Variants in CHD9 observed in about 807,000 individuals in gnomAD.
CHD9 encodes chromodomain helicase DNA binding protein 9, also known as ATP-dependent chromatin remodeler CHD9.
A neutral mutation model predicts 316.1 loss-of-function variants in CHD9; 77 were observed. The ratio of observed to expected loss-of-function variants is 0.24; its 90% CI spans 0.20 to 0.29. The LOEUF is 0.29. Ranked by LOEUF, CHD9 falls within the 10% of genes least tolerant of loss-of-function variation. CHD9 has a pLI of 1.00. For missense variants in CHD9, 2,763 were observed against 3,438.1 expected (o/e 0.80, Z 4.91); for synonymous variants, 1,129 against 1,158.3 (o/e 0.97, Z 0.51).
At chr16:53,169,640 T>C (rs2042535125) in intron 2 of CHD9, among the ~76,000 whole-genome samples, 1 of 152,204 alleles carries the variant, frequency 6.6e-6, no homozygotes, top group Non-Finnish European at 1.5e-5. Context: ...TTTCTTTGGC[T>C]GAACCATTTG....
chr16:53,271,335 G>A (rs913463863), intron 22 of CHD9, among the ~76,000 whole-genome samples: 1 of 152,132 alleles, frequency 6.6e-6, no homozygotes, highest in South Asian at 2.1e-4. Context: ...TTGGGAAGCT[G>A]AGGTGGCCAG....
intron 12 of CHD9, among the ~76,000 whole-genome samples, chr16:53,240,147 T>A (rs1597590792): frequency 6.6e-6 from 1 of 152,134 alleles, no homozygotes; most frequent in Admixed American, 6.6e-5. Flanking sequence ...ACTCATGTAA[T>A]CCTCCCACCT....
intron 3 of CHD9, among the ~76,000 whole-genome samples, chr16:53,213,957 AC>A (rs1460421493): frequency 6.6e-6 from 1 of 152,188 alleles, no homozygotes. Flanking sequence ...GTTATCAGGT[AC>A]TACAAATAAC....
intron 3 of CHD9, among the ~76,000 whole-genome samples, chr16:53,212,542 A>G (rs2046416307): frequency 6.6e-6 from 1 of 152,234 alleles, no homozygotes; most frequent in African/African-American, 2.4e-5. Flanking sequence ...GAAGAAAAGC[A>G]ATACTGCCCC....
At chr16:53,231,863 A>C in intron 10 of CHD9, 79 bp downstream of exon 10, 1 of 1,283,434 alleles carries the variant, frequency 7.8e-7, no homozygotes, top group Admixed American at 2.3e-5. Context: ...TAATTATATA[A>C]TGTTTTACTT....
At chr16:53,250,603 T>G (rs2050046473) in intron 17 of CHD9, 1 of 152,358 alleles carries the variant, frequency 6.6e-6, no homozygotes, top group Non-Finnish European at 1.5e-5. Flanking sequence ...GATTTTATCT[T>G]GTAATCATAA....
intron 3 of CHD9, among the ~76,000 whole-genome samples, chr16:53,211,881 T>C (rs1260359459): frequency 2.0e-5 from 3 of 152,212 alleles, no homozygotes; most frequent in Non-Finnish European, 2.9e-5. Flanking sequence ...CACTATACTT[T>C]GTAATTTTGA....
At position 53,322,178 on chromosome 16, in the gene CHD9, G is replaced by A. The variant is rs2057321433; in HGVS notation, c.7818+548G>A. Among the ~76,000 whole-genome samples, 3 of 151,410 alleles carry A rather than the reference G, an allele frequency of 2.0e-5. No homozygotes were observed. The South Asian group carries it at 6.3e-4, about 32-fold the overall frequency. ...CACCCTGCTAATTTTTGTATTTTTA[G>A]TAGAGACGATATTTCGCCATATTGG... On this transcript the variant is annotated intron_variant, in intron 38 of 38. Coordinates refer to ENST00000447540, the MANE Select transcript of CHD9 (RefSeq NM_001308319.2).
At chr16:53,208,271 C>T (rs1254054521) in intron 2 of CHD9, 1 of 1,267,016 alleles carries the variant, frequency 7.9e-7, no homozygotes. Flanking sequence ...TGAGCACTGC[C>T]TGGGGTGGTG....
chr16:53,303,587 A>C lies in CHD9; in HGVS notation c.5714-133A>C, dbSNP rs983667322. On this transcript the variant is annotated intron_variant, in intron 30 of 38. Transcript: ENST00000447540. ...TCACTGAAAAGAAATTCTGGAAACT[A>C]TACAGTGATATTGCATGGAGGCACA... The C allele has an allele frequency of 5.1e-6, 3 of 589,146 alleles. No homozygotes were observed. In the African/African-American group the frequency reaches 5.8e-5, roughly 11 times the overall value. 36.5% of individuals were successfully genotyped at this position (589,146 alleles called of 1,614,324 possible).
intron 3 of CHD9, among the ~76,000 whole-genome samples, chr16:53,218,901 T>C (rs2046994829): frequency 6.6e-6 from 1 of 152,178 alleles, no homozygotes; most frequent in South Asian, 2.1e-4. Flanking sequence ...GTATCAAATA[T>C]GTATTTTTAC....
intron 1 of CHD9, among the ~76,000 whole-genome samples, chr16:53,056,743 G>A (rs748562094): frequency 2.2e-4 from 33 of 152,286 alleles, no homozygotes; most frequent in Admixed American, 8.5e-4. Flanking sequence ...TTATTATTGA[G>A]AGCCTACTGT....
chr16:53,211,375 G>A (rs902537080), intron 3 of CHD9, among the ~76,000 whole-genome samples: 6 of 152,056 alleles, frequency 3.9e-5, no homozygotes, highest in African/African-American at 1.2e-4. Flanking sequence ...ACACTGAAGC[G>A]GAGTACTGAC....
chr16:53,220,349 C>G (rs534939029), intron 3 of CHD9, among the ~76,000 whole-genome samples: 1 of 152,244 alleles, frequency 6.6e-6, no homozygotes, highest in African/African-American at 2.4e-5. Flanking sequence ...AAAAAGCATT[C>G]TATAACTTTT....
chr16:53,102,584 T>C (rs1274492333), intron 1 of CHD9, among the ~76,000 whole-genome samples: 2 of 152,108 alleles, frequency 1.3e-5, no homozygotes, highest in Non-Finnish European at 2.9e-5. Context: ...GCATGGTGGC[T>C]CACACCTGTA....
At chr16:53,184,105 C>A (rs189814466) in intron 2 of CHD9, among the ~76,000 whole-genome samples, 37 of 152,062 alleles carry the variant, frequency 2.4e-4, no homozygotes, top group African/African-American at 8.4e-4. Flanking sequence ...GCACCACGCC[C>A]GGCTAATTTT....
chr16:53,127,059 A>G (rs897947916), intron 1 of CHD9, among the ~76,000 whole-genome samples: 3 of 152,072 alleles, frequency 2.0e-5, no homozygotes, highest in Non-Finnish European at 4.4e-5. Context: ...GGCTCAAGTG[A>G]TCCTCCCAAC....
At chr16:53,110,135 C>G (rs2037746059) in intron 1 of CHD9, among the ~76,000 whole-genome samples, 2 of 152,134 alleles carry the variant, frequency 1.3e-5, no homozygotes, top group South Asian at 4.1e-4. Flanking sequence ...TAGCTTGTGC[C>G]CATTACTGTC....
At chr16:53,214,602 C>T (rs62048059) in intron 3 of CHD9, among the ~76,000 whole-genome samples, 42,306 of 151,850 alleles carry the variant, frequency 0.28, 5,978 homozygotes, top group Middle Eastern at 0.32. Flanking sequence ...AATTACAAAA[C>T]TTAGTAAAAA....
Sources: gnomAD v4.1 joint callset for allele counts (sites outside exome capture counted in the v4.1 genomes callset) on GRCh38, gnomAD v4.1.1 for gene constraint, MANE v1.5 for transcripts, NCBI Gene and HGNC (gene_info 2026-07-23, HGNC 2026-07-21) for gene names.